The following P2RY6 variants were observed in gnomAD, a reference collection of about 807,000 sequenced individuals.
P2RY6 encodes pyrimidinergic receptor P2Y6, also known as P2Y purinoceptor 6.
Under a neutral mutation model 16.3 loss-of-function variants are expected in P2RY6, and 19 were observed. The ratio of observed to expected loss-of-function variants is 1.16; its 90% CI spans 0.81 to 1.71. The LOEUF (loss-of-function observed/expected upper bound fraction) is 1.71. Ranked by LOEUF, P2RY6 falls within the 40% of genes most tolerant of loss-of-function variation. P2RY6 has a pLI of 0.00. For missense variants in P2RY6, 389 were observed against 455.5 expected, an observed-to-expected ratio of 0.85 and a Z score of 1.33; for synonymous variants, 184 against 201.5, an observed-to-expected ratio of 0.91 and a Z score of 0.74.
intron 1 of P2RY6, among the ~76,000 whole-genome samples, chr11:73,290,930 G>C (rs1451214553): frequency 2.0e-5 from 3 of 152,200 alleles, no homozygotes; most frequent in African/African-American, 7.2e-5. Flanking sequence ...GTGGTTCCAA[G>C]GTCCTGAGGG....
chr11:73,276,602 A>T (rs1863546914), intron 1 of P2RY6, among the ~76,000 whole-genome samples: 1 of 152,246 alleles, frequency 6.6e-6, no homozygotes, highest in Non-Finnish European at 1.5e-5. Flanking sequence ...AAAATAAGTC[A>T]GACACAAAAT....
Position 73,296,502 on chromosome 11 carries a change from A to G in P2RY6, c.-17A>G. The G allele has an allele frequency of 1.2e-6, 2 of 1,609,004 alleles. No homozygotes were observed. Among genetic ancestry groups the G allele is most frequent in the Non-Finnish European group, 8.5e-7 (1 of 1,175,936 alleles). On this transcript the variant is annotated 5_prime_UTR_variant, in exon 3 of 3. Transcript: ENST00000540124. Reference sequence around the variant, plus strand: ...TTTCCCAGCCTCCCTGAACATAGGAAACCCACCTGGGCAGCCATGGAATGG... The same window carrying G: ...TTTCCCAGCCTCCCTGAACATAGGAGACCCACCTGGGCAGCCATGGAATGG...
chr11:73,290,446 GA>G (rs1181922055), intron 1 of P2RY6, among the ~76,000 whole-genome samples: 1 of 152,254 alleles, frequency 6.6e-6, no homozygotes, highest in African/African-American at 2.4e-5. Flanking sequence ...AACACTTTGG[GA>G]GGCCAAAGAG....
upstream of P2RY6, among the ~76,000 whole-genome samples, chr11:73,270,597 G>C (rs774151881): frequency 6.6e-6 from 1 of 152,204 alleles, no homozygotes; most frequent in Non-Finnish European, 1.5e-5. Context: ...GGGATATTGG[G>C]ATTGGGGATT....
intron 1 of P2RY6, among the ~76,000 whole-genome samples, chr11:73,267,200 T>G: frequency 6.6e-6 from 1 of 152,186 alleles, no homozygotes; most frequent in Non-Finnish European, 1.5e-5. Flanking sequence ...TCTTGTAAAC[T>G]TATAAACTCC....
upstream of P2RY6, among the ~76,000 whole-genome samples, chr11:73,270,634 A>G (rs58051534): frequency 2.5e-3 from 379 of 152,278 alleles, 2 homozygotes; most frequent in African/African-American, 8.6e-3. Flanking sequence ...CCCTCTCTGG[A>G]CCACAGAGGA....
upstream of P2RY6, among the ~76,000 whole-genome samples, chr11:73,267,346 C>T (rs1863138682): frequency 6.6e-6 from 1 of 152,164 alleles, no homozygotes; most frequent in Admixed American, 6.5e-5. Flanking sequence ...ACAGTGAACC[C>T]AGAGGCCCCT....
intron 1 of P2RY6, chr11:73,289,549 G>T (rs1250933381): frequency 6.6e-6 from 1 of 152,384 alleles, no homozygotes; most frequent in African/African-American, 2.4e-5. Context: ...AGGCTGCTCA[G>T]TGCCAGCCCC....
chr11:73,276,947 G>T (rs1863562351), intron 1 of P2RY6, among the ~76,000 whole-genome samples: 2 of 152,106 alleles, frequency 1.3e-5, no homozygotes, highest in Non-Finnish European at 2.9e-5. Context: ...TGGTCCTCAG[G>T]TAGGTGAAAG....
In P2RY6 at chr11:73,296,712, C is replaced by T; in HGVS notation, c.194C>T (p.Thr65Ile). 1 of 1,614,006 alleles carries T rather than the reference C, an allele frequency of 6.2e-7. No homozygotes were observed. Residue 65 changes from threonine to isoleucine, a missense_variant, in exon 3 of 3, where the codon ACC becomes ATC. Thr to Ile is a moderately conservative substitution (Grantham distance 89, BLOSUM62 -1). Coordinates refer to ENST00000540124, the MANE Select transcript of P2RY6 (RefSeq NM_001277204.2). ...GCCCTGACCCGCACGGCCGTGTACA[C>T]CCTAAACCTTGCTCTGGCTGACCTG... is the stretch of plus-strand genomic sequence containing the variant. ...RRALTRTAVY[T>I]LNLALADLLY...
chr11:73,294,374 G>T (rs545356029), intron 1 of P2RY6, among the ~76,000 whole-genome samples: 2 of 152,200 alleles, frequency 1.3e-5, no homozygotes, highest in East Asian at 3.8e-4. Flanking sequence ...GGAGGACTCC[G>T]TGAATCCCTG....
At chr11:73,290,366 GGAAAGAAAGA>G (rs1864190408) in intron 1 of P2RY6, among the ~76,000 whole-genome samples, 3 of 85,682 alleles carry the variant, frequency 3.5e-5, no homozygotes, top group African/African-American at 1.1e-4. Context: ...AAAGAAAGAA[GGAAAGAAAGA>G]GAAAGAAAGA....
upstream of P2RY6, among the ~76,000 whole-genome samples, chr11:73,267,345 C>A (rs1235887998): frequency 6.6e-6 from 1 of 152,130 alleles, no homozygotes; most frequent in African/African-American, 2.4e-5. Flanking sequence ...GACAGTGAAC[C>A]CAGAGGCCCC....
At chr11:73,272,497 C>T (rs1863354318) in intron 1 of P2RY6, 31 bp downstream of exon 1, 42 of 985,398 alleles carry the variant, frequency 4.3e-5, no homozygotes, top group Non-Finnish European at 4.9e-5. Flanking sequence ...CCTGGAAGGG[C>T]TTGCGCCCCT....
chr11:73,297,490 G>A lies in P2RY6; in HGVS notation c.972G>A (p.Gln324=), dbSNP rs1288253943. 6.2e-7 allele frequency: 1 copy of A among 1,607,900 alleles called. No individual in the cohort carries two copies. The highest frequency in any genetic ancestry group is 8.5e-7 in the Non-Finnish European group (1 of 1,175,688). Residue 324 remains glutamine (Q), a synonymous_variant, in exon 3 of 3, where the codon CAG becomes CAA. Transcript: ENST00000540124. ...ELLQKLTAKW[Q]RQGR ...TACAGAAACTCACAGCCAAATGGCA[G>A]AGGCAGGGTCGCTGAGTCCTCCAGG...
intron 1 of P2RY6, among the ~76,000 whole-genome samples, chr11:73,290,593 G>C (rs1215196691): frequency 6.6e-6 from 1 of 152,104 alleles, no homozygotes; most frequent in Non-Finnish European, 1.5e-5. Flanking sequence ...ATTTCTCACA[G>C]AGGTTAAGCT....
intron 1 of P2RY6, among the ~76,000 whole-genome samples, chr11:73,288,355 C>T (rs755537399): frequency 6.6e-6 from 1 of 152,222 alleles, no homozygotes; most frequent in Non-Finnish European, 1.5e-5. Flanking sequence ...TTCCCCAAAG[C>T]TGCAGCTTCC....
At chr11:73,271,272 C>A (rs538800455), upstream of P2RY6, among the ~76,000 whole-genome samples, 1 of 152,126 alleles carries the variant, frequency 6.6e-6, no homozygotes, top group Admixed American at 6.5e-5. Context: ...TCAGCCTTTC[C>A]CCCCCGGCAT....
upstream of P2RY6, among the ~76,000 whole-genome samples, chr11:73,269,726 C>T (rs188232392): frequency 1.3e-5 from 2 of 152,360 alleles, no homozygotes; most frequent in East Asian, 3.9e-4. Context: ...CCCAGGCAGA[C>T]ACTGTGCAAC....
Sources: allele counts gnomAD v4.1 joint callset (sites outside exome capture counted in the v4.1 genomes callset), GRCh38; gene constraint gnomAD v4.1.1; transcripts MANE v1.5; gene names NCBI Gene and HGNC (gene_info 2026-07-23, HGNC 2026-07-21).